The following COL24A1 variants were observed in gnomAD, a reference collection of about 807,000 sequenced individuals.
COL24A1 encodes the protein collagen alpha-1(XXIV) chain.
COL24A1 carries 224 observed loss-of-function variants against 253.9 expected under a neutral mutation model. That is an observed-to-expected ratio of 0.88 (90% CI 0.79 to 0.99). The LOEUF is 0.99. COL24A1 is among the 50% of genes least tolerant of loss of function. The pLI, the probability that COL24A1 is intolerant of heterozygous loss-of-function variation, is 0.00. For synonymous variants in COL24A1, 685 were observed against 673.7 expected (o/e 1.02, Z -0.26); for missense variants, 2,131 against 2,068.5 (o/e 1.03, Z -0.59).
At chr1:86,087,000 G>A (rs1268003484) in intron 7 of COL24A1, among the ~76,000 whole-genome samples, 1 of 152,118 alleles carries the variant, frequency 6.6e-6, no homozygotes, top group Non-Finnish European at 1.5e-5. Context: ...TCAAATCACA[G>A]TGAACCAGGG....
chr1:85,888,258 T>G (rs1227348659), intron 32 of COL24A1, among the ~76,000 whole-genome samples: 2 of 152,088 alleles, frequency 1.3e-5, no homozygotes, highest in Non-Finnish European at 2.9e-5. Context: ...TTTTGTAATT[T>G]GACTGATGTT....
chr1:85,901,823 T>TAAAAA (rs1684326982), intron 28 of COL24A1, among the ~76,000 whole-genome samples: 1 of 4,014 alleles, frequency 2.5e-4, no homozygotes, highest in Non-Finnish European at 6.3e-4. Context: ...AGACTCCGTC[T>TAAAAA]CAAAAAAAAA....
intron 3 of COL24A1, among the ~76,000 whole-genome samples, chr1:86,121,078 G>A (rs2102232548): frequency 6.6e-6 from 1 of 152,230 alleles, no homozygotes; most frequent in Middle Eastern, 3.4e-3. Context: ...ACTCATAGGT[G>A]GAAATTGAAG....
intron 53 of COL24A1, among the ~76,000 whole-genome samples, chr1:85,766,539 A>G (rs549052128): frequency 3.3e-5 from 5 of 152,242 alleles, no homozygotes; most frequent in East Asian, 1.9e-4. Context: ...CAGCTCTCTC[A>G]GTGGTGGAAA....
intron 1 of COL24A1, among the ~76,000 whole-genome samples, chr1:86,150,939 C>T (rs1478746392): frequency 2.0e-5 from 3 of 152,078 alleles, no homozygotes; most frequent in African/African-American, 7.2e-5. Context: ...GTTTTACATT[C>T]CAAATGTAAA....
At position 86,031,904 on chromosome 1, in the gene COL24A1, C is replaced by A. The variant is rs752106961; in HGVS notation, c.2023G>T (p.Gly675Cys). The change falls in exon 14 of 60, where the codon GGT (glycine) becomes TGT (cysteine). Residue 675 changes from glycine (G) to cysteine (C), a missense_variant. Coordinates refer to ENST00000370571, the MANE Select transcript of COL24A1 (RefSeq NM_152890.7). ...CTAAGCCCAGGAAACCCCGGAGGAC[C>A]AGTGCCACCTACAAGTCCCTATTGT... is the stretch of plus-strand genomic sequence containing the variant. Reference protein sequence around the residue: ...DGSPGLVGGTGPPGFPGLRGS... With the variant: ...DGSPGLVGGTCPPGFPGLRGS... 1.2e-6 allele frequency: 2 copies of A among 1,608,976 alleles called. No homozygotes were observed. The highest frequency in any genetic ancestry group is 1.7e-5 in the Admixed American group (1 of 59,364).
intron 10 of COL24A1, among the ~76,000 whole-genome samples, chr1:86,051,893 T>C (rs1240924428): frequency 6.6e-6 from 1 of 152,102 alleles, no homozygotes; most frequent in Non-Finnish European, 1.5e-5. Flanking sequence ...GAATTTGTGA[T>C]TATAATGAGA....
At chr1:86,022,385 A>G in intron 17 of COL24A1, 92 bp from the exon 18 acceptor site, 1 of 1,407,628 alleles carries the variant, frequency 7.1e-7, no homozygotes, top group South Asian at 1.2e-5. Flanking sequence ...TTCATAAAGT[A>G]TGCTAAAATA....
rs1305084273 is a variant in COL24A1, at chr1:85,729,978, AAAGG to A, written c.*564_*567del. On this transcript the variant is annotated 3_prime_UTR_variant, in exon 60 of 60. Transcript: ENST00000370571. ...ACTTTTAAAGAATGACAAAGATGAA[AAAGG>A]AAATAGTCTATGAAAGCCATAAGCA... 1.3e-5 allele frequency: 2 copies of A among 152,730 alleles called. No individual in the cohort carries two copies. Among genetic ancestry groups the A allele is most frequent in the African/African-American group, 4.8e-5 (2 of 41,476 alleles). The allele number at this position is 152,730 out of a possible 1,614,324, so 9.5% of individuals were successfully genotyped here.
At chr1:85,965,815 T>C (rs924762874) in intron 22 of COL24A1, among the ~76,000 whole-genome samples, 23 of 152,108 alleles carry the variant, frequency 1.5e-4, no homozygotes. Context: ...AAAATGTGTG[T>C]AGTATGTTGG....
intron 24 of COL24A1, among the ~76,000 whole-genome samples, chr1:85,945,002 G>GTTTTTTTTTTTTT (rs1165341082): frequency 3.4e-4 from 12 of 35,360 alleles, no homozygotes; most frequent in African/African-American, 8.5e-4. Context: ...CTATCATTGT[G>GTTTTTTTTTTTTT]TTTTTTTTTT....
chr1:86,107,108 C>A (rs372118582), intron 5 of COL24A1, among the ~76,000 whole-genome samples: 1 of 152,108 alleles, frequency 6.6e-6, no homozygotes, highest in Non-Finnish European at 1.5e-5. Flanking sequence ...CACTATCCTG[C>A]CTTCTTAAGG....
At chr1:86,097,578 C>CT in intron 5 of COL24A1, among the ~76,000 whole-genome samples, 1 of 7,470 alleles carries the variant, frequency 1.3e-4, no homozygotes, top group African/African-American at 2.2e-4. Context: ...CCCTCCTCCT[C>CT]CCCCCTCCTC....
chr1:86,058,022 A>G lies in COL24A1; in HGVS notation c.1807-47T>C. 4 of 1,497,102 alleles carry G rather than the reference A, an allele frequency of 2.7e-6. No homozygotes were observed. In the South Asian group the frequency reaches 4.7e-5, roughly 18 times the overall value. The allele number at this position is 1,497,102 out of a possible 1,614,324, so 92.7% of individuals were successfully genotyped here. ...GTCATCATACTACAGTACTTTTTAA[A>G]GAGTTAATAAATAGATTAATAAAAA... On this transcript the variant is annotated intron_variant, in intron 9 of 59. Coordinates refer to ENST00000370571, the MANE Select transcript of COL24A1 (RefSeq NM_152890.7).
chr1:86,022,612 C>T (rs1399465550), intron 16 of COL24A1, 21 bp from the exon 17 acceptor site: 1 of 1,606,536 alleles, frequency 6.2e-7, no homozygotes, highest in Non-Finnish European at 8.5e-7. Context: ...CAATTTCATG[C>T]AAAGATACTT....
At chr1:86,033,798 G>T in intron 13 of COL24A1, 72 bp downstream of exon 13, 2 of 1,263,356 alleles carry the variant, frequency 1.6e-6, no homozygotes, top group South Asian at 1.4e-5. Flanking sequence ...ATGATAATAA[G>T]GACTGTAAGT....
At chr1:85,986,007 C>T (rs1385207801) in intron 20 of COL24A1, among the ~76,000 whole-genome samples, 1 of 151,910 alleles carries the variant, frequency 6.6e-6, no homozygotes, top group Non-Finnish European at 1.5e-5. Flanking sequence ...GAATACCATA[C>T]ATCCCCTTGT....
intron 37 of COL24A1, 64 bp downstream of exon 37, chr1:85,868,455 G>T: frequency 2.7e-6 from 3 of 1,117,572 alleles, no homozygotes; most frequent in Non-Finnish European, 4.1e-6. Context: ...GTAGGTTTGT[G>T]CATGTGTACA....
chr1:85,754,852 A>T (rs573063790), intron 55 of COL24A1, among the ~76,000 whole-genome samples: 1 of 152,132 alleles, frequency 6.6e-6, no homozygotes, highest in African/African-American at 2.4e-5. Context: ...AAGCTTATCA[A>T]CATATGCATG....
Sources: allele counts gnomAD v4.1 joint callset (sites outside exome capture counted in the v4.1 genomes callset), GRCh38; gene constraint gnomAD v4.1.1; transcripts MANE v1.5; gene names NCBI Gene and HGNC (gene_info 2026-07-23, HGNC 2026-07-21).